The following DPP7 variants were observed in gnomAD, a reference collection of about 807,000 sequenced individuals.
DPP7 encodes dipeptidyl peptidase 2.
Under a neutral mutation model 58.8 loss-of-function variants are expected in DPP7, and 74 were observed. The ratio of observed to expected loss-of-function variants is 1.26; its 90% CI spans 1.04 to 1.53. The LOEUF is 1.53. Ranked by LOEUF, DPP7 falls within the 40% of genes most tolerant of loss-of-function variation. The pLI, the probability that DPP7 is intolerant of heterozygous loss-of-function variation, is 0.00. For synonymous variants in DPP7, 350 were observed against 303.6 expected, an observed-to-expected ratio of 1.15 and a Z score of -1.59; for missense variants, 807 against 692.3, an observed-to-expected ratio of 1.17 and a Z score of -1.86.
intron 11 of DPP7, among the ~76,000 whole-genome samples, chr9:137,111,309 A>C (rs1439748740): frequency 2.6e-5 from 3 of 113,390 alleles, no homozygotes; most frequent in African/African-American, 9.0e-5. Flanking sequence ...GTGAGACGGG[A>C]GCAGGGTAGG....
rs1178948322 is a variant in DPP7, at chr9:137,112,733, G to A, written c.931+12C>T. ...CTCCACACTTGCCCATCTGGGGCCG[G>A]GGGAAGGGCACCTGCCAGTGCTCGC... is the stretch of plus-strand genomic sequence containing the variant. On this transcript the variant is annotated intron_variant, in intron 8 of 12. Transcript: ENST00000371579. The A allele has an allele frequency of 1.9e-6, 3 of 1,596,300 alleles. No homozygotes were observed. Among genetic ancestry groups the A allele is most frequent in the African/African-American group, 2.7e-5 (2 of 74,738 alleles).
At position 137,114,668 on chromosome 9, in the gene DPP7, G is replaced by A; in HGVS notation, c.46C>T (p.Leu16=). 1 of 1,361,214 alleles carries A rather than the reference G, an allele frequency of 7.3e-7. No homozygotes were observed. The highest frequency in any genetic ancestry group is 1.8e-5 in the South Asian group (1 of 57,142). 84.3% of individuals were successfully genotyped at this position (1,361,214 alleles called of 1,614,324 possible). ...WAPVLLLALG[L]RGLQAGARRA... ...TCACCCCCCGCCTGGAGGCCGCGCAGCCCGAGCGCCAGCAGCAGGACCGGG... is the reference window on the plus strand; with the variant it reads ...TCACCCCCCGCCTGGAGGCCGCGCAACCCGAGCGCCAGCAGCAGGACCGGG... Residue 16 remains leucine (L), a synonymous_variant, in exon 1 of 13, where the codon CTG becomes TTG. Transcript: ENST00000371579.
In DPP7 at chr9:137,111,973, C is replaced by G. The variant is rs10747048; in HGVS notation, c.1107G>C (p.Pro369=). 1,210,109 of 1,613,168 alleles carry G rather than the reference C, an allele frequency of 0.75. 455,180 individuals carry two copies. Among genetic ancestry groups the G allele is most frequent in the African/African-American group, 0.87 (65,329 of 74,870 alleles). Residue 369 remains proline (P), a synonymous_variant, in exon 10 of 13, where the codon CCG becomes CCC. Transcript: ENST00000371579. ...GGAGCTCGTCAGTGAAGGGCAGGTC[C>G]GGGAACATATCGGTCACATTGTTGC... ...FASNNVTDMF[P]DLPFTDELRQ... is the part of the protein sequence containing the mutation.
At chr9:137,116,212 C>G (rs945141488), upstream of DPP7, among the ~76,000 whole-genome samples, 2 of 152,184 alleles carry the variant, frequency 1.3e-5, no homozygotes, top group African/African-American at 4.8e-5. Context: ...TGGGCAGCAG[C>G]CAGGGCCTCC....
intron 8 of DPP7, chr9:137,112,468 C>CTGCCCTCTGT: frequency 1.6e-6 from 1 of 624,042 alleles, no homozygotes; most frequent in East Asian, 2.8e-5. Context: ...GTGGGGCCTG[C>CTGCCCTCTGT]TGCCCTCTGT....
At chr9:137,115,079 G>A (rs1241249546), upstream of DPP7, 1 of 197,540 alleles carries the variant, frequency 5.1e-6, no homozygotes, top group Non-Finnish European at 1.0e-5. Context: ...AGGGCCGGGA[G>A]AGTGGGGGCC....
chr9:137,114,818 A>G, upstream of DPP7: 2 of 790,632 alleles, frequency 2.5e-6, no homozygotes, highest in African/African-American at 1.8e-5. Flanking sequence ...GTCCCCACGG[A>G]GACCGTCGCT....
Position 137,114,649 on chromosome 9 carries a change from C to A in DPP7, c.65G>T (p.Gly22Val), listed in dbSNP as rs1046715854. Residue 22 changes from glycine (G) to valine (V), a missense_variant and splice_region_variant, in exon 1 of 13, where the codon GGG becomes GTG. By Grantham distance (109) the Gly-to-Val change is moderately radical (BLOSUM62 -3). Around this residue, in one of 3 missense-constraint regions of DPP7, gnomAD observed 168 missense variants for 124.1 expected, o/e 1.35. Coordinates refer to ENST00000371579, the MANE Select transcript of DPP7 (RefSeq NM_013379.3). ...LALGLRGLQA[G>V]ARRAPDPGFQ... is the part of the protein sequence containing the mutation. ...GGCCGGGGGGCGCCGCCACTCACCC[C>A]CCGCCTGGAGGCCGCGCAGCCCGAG... is the stretch of plus-strand genomic sequence containing the variant. 2 of 1,380,182 alleles carry A rather than the reference C, an allele frequency of 1.4e-6. No individual in the cohort carries two copies. The highest frequency in any genetic ancestry group is 9.4e-7 in the Non-Finnish European group (1 of 1,068,150). 85.5% of individuals were successfully genotyped at this position (1,380,182 alleles called of 1,614,324 possible). A position where few individuals can be genotyped will look rare whatever the true frequency, so the allele number is the denominator to read the frequency against.
chr9:137,113,548 C>CT (rs1831485100), intron 4 of DPP7, 52 bp from the exon 5 acceptor site: 1 of 1,507,548 alleles, frequency 6.6e-7, no homozygotes, highest in Non-Finnish European at 8.9e-7. Flanking sequence ...CCCATTTCCT[C>CT]TTTTCCTCCT....
intron 8 of DPP7, 166 bp from the exon 9 acceptor site, chr9:137,112,396 G>A (rs369182053): frequency 2.7e-4 from 174 of 655,750 alleles, no homozygotes; most frequent in African/African-American, 2.5e-3. Context: ...GAGGTCGGCG[G>A]TGTCTGTGCT....
Position 137,113,454 on chromosome 9 carries a change from G to GCACT in DPP7, c.527_528insAGTG (p.His177ValfsTer35), listed in dbSNP as rs776801803. The GCACT allele has an allele frequency of 4.4e-6, 7 of 1,603,526 alleles. No homozygotes were observed. The highest frequency in any genetic ancestry group is 1.3e-5 in the African/African-American group (1 of 74,598). ...CCGCCAGCGCCCCCGCCACCAGGTG[G>GCACT]GGATACTTCATCCTCAGGTAGGCAC... On this transcript the variant is annotated frameshift_variant, in exon 5 of 13. Transcript: ENST00000371579. LOFTEE classifies it high-confidence loss of function.
At position 137,113,873 on chromosome 9, in the gene DPP7, G is replaced by A. The variant is rs1156745041; in HGVS notation, c.477C>T (p.Phe159=). ...LGAQDAPAIA[F]GGSYGGMLSA... ...CCGGGGGAGGCGCCCACCTTCCACC[G>A]AAGGCGATGGCGGGGGCATCCTGGG... The change falls in exon 4 of 13, where the codon TTC becomes TTT. Residue 159 remains phenylalanine (F), a synonymous_variant. Coordinates refer to ENST00000371579, the MANE Select transcript of DPP7 (RefSeq NM_013379.3). The A allele has an allele frequency of 3.2e-6, 5 of 1,546,864 alleles. No homozygotes were observed. The highest frequency in any genetic ancestry group is 2.4e-5 in the East Asian group (1 of 42,462).
chr9:137,111,694 C>T lies in DPP7; in HGVS notation c.1268G>A (p.Gly423Asp). 1 of 1,613,372 alleles carries T rather than the reference C, an allele frequency of 6.2e-7. No individual in the cohort carries two copies. Among genetic ancestry groups the T allele is most frequent in the African/African-American group, 1.3e-5 (1 of 75,000 alleles). Residue 423 changes from glycine to aspartate, a missense_variant, in exon 11 of 13, where the codon GGC (glycine) becomes GAC (aspartate). Gly to Asp is a moderately conservative substitution (Grantham distance 94, BLOSUM62 -1). Around this residue, in one of 3 missense-constraint regions of DPP7, gnomAD observed 624 missense variants for 531.2 expected, o/e 1.17. Coordinates refer to ENST00000371579, the MANE Select transcript of DPP7 (RefSeq NM_013379.3). ...SNGNLDPWAG[G>D]GIRRNLSASV... Reference sequence around the variant, plus strand: ...AGGGCCCAGGCCAGGACTCACCCCGCCCCCTGCCCAGGGGTCCAGGTTCCC... The same window carrying T: ...AGGGCCCAGGCCAGGACTCACCCCGTCCCCTGCCCAGGGGTCCAGGTTCCC...
At chr9:137,112,932 C>T (rs760293298) in intron 7 of DPP7, 21 bp downstream of exon 7, 46 of 1,612,450 alleles carry the variant, frequency 2.9e-5, no homozygotes, top group Admixed American at 5.0e-5. Flanking sequence ...TCTCCCTGCG[C>T]CCTGGGAGGC....
At chr9:137,113,640 C>T in intron 4 of DPP7, 144 bp from the exon 5 acceptor site, 1 of 1,429,724 alleles carries the variant, frequency 7.0e-7, no homozygotes, top group Non-Finnish European at 9.1e-7. Flanking sequence ...GGGTGCAGCT[C>T]TCACTGGGAA....
rs772690784 is a variant in DPP7 at position 137,112,492 on chromosome 9, G to A, written c.931+253C>T. 179 of 628,186 alleles carry A rather than the reference G, an allele frequency of 2.8e-4. 1 individual carries two copies. The highest frequency in any genetic ancestry group is 1.8e-3 in the South Asian group (89 of 50,176). The allele number at this position is 628,186 out of a possible 1,614,324, so 38.9% of individuals were successfully genotyped here. A position where few individuals can be genotyped will look rare whatever the true frequency, so the allele number is the denominator to read the frequency against. On this transcript the variant is annotated intron_variant, in intron 8 of 12. Coordinates refer to ENST00000371579, the MANE Select transcript of DPP7 (RefSeq NM_013379.3). Reference sequence around the variant, plus strand: ...GCTGCCCTCTGTTGCCCTCCATGCTGGGGACCCCAGGGGCCCCTTGGGCAG... The same window carrying A: ...GCTGCCCTCTGTTGCCCTCCATGCTAGGGACCCCAGGGGCCCCTTGGGCAG...
Position 137,114,704 on chromosome 9 carries a change from C to T in DPP7, c.10G>A (p.Ala4Thr), listed in dbSNP as rs1831577387. MGS[A>T]PWAPVLLLAL... ...AGCAGCAGGACCGGGGCCCAGGGAG[C>T]GGAGCCCATGTCGCCTTCCGCGGGC... Residue 4 changes from alanine (A) to threonine (T), a missense_variant, in exon 1 of 13, where the codon GCT becomes ACT. Ala to Thr is a moderately conservative substitution (Grantham distance 58, BLOSUM62 0). Transcript: ENST00000371579. 7.7e-7 allele frequency: 1 copy of T among 1,305,638 alleles called. No homozygotes were observed. The allele number at this position is 1,305,638 out of a possible 1,614,324, so 80.9% of individuals were successfully genotyped here. A position where few individuals can be genotyped will look rare whatever the true frequency, so the allele number is the denominator to read the frequency against.
At chr9:137,115,351 G>A (rs1274460336), upstream of DPP7, among the ~76,000 whole-genome samples, 2 of 152,184 alleles carry the variant, frequency 1.3e-5, no homozygotes, top group Non-Finnish European at 2.9e-5. Context: ...GACAAGGGGG[G>A]ACCAGAGGCC....
At chr9:137,111,084 A>G in intron 11 of DPP7, 134 bp from the exon 12 acceptor site, 1 of 890,244 alleles carries the variant, frequency 1.1e-6, no homozygotes, top group South Asian at 1.5e-5. Flanking sequence ...AGAACCAGCC[A>G]GAGACGGAGG....
Sources: allele counts gnomAD v4.1 joint callset (sites outside exome capture counted in the v4.1 genomes callset), GRCh38; gene constraint gnomAD v4.1.1; regional missense constraint gnomAD v4.1.1; transcripts MANE v1.5; gene names NCBI Gene and HGNC (gene_info 2026-07-23, HGNC 2026-07-21).